NCAN: variants seen among roughly 807,000 people sequenced by gnomAD.
NCAN encodes the protein neurocan core protein.
In NCAN, 47 loss-of-function variants were observed where a neutral mutation model predicts 121.8. The ratio of observed to expected loss-of-function variants is 0.39; its 90% CI spans 0.31 to 0.49. NCAN has a LOEUF of 0.49. Among genes scored for constraint, NCAN ranks in the 20% least tolerant of loss-of-function variants. NCAN has a pLI of 0.92. For missense variants in NCAN, 1,517 were observed against 1,773.4 expected (o/e 0.86, Z 2.60); for synonymous variants, 633 against 702.0 (o/e 0.90, Z 1.55).
intron 1 of NCAN, among the ~76,000 whole-genome samples, chr19:19,215,365 G>A (rs2060792732): frequency 6.6e-6 from 1 of 152,212 alleles, no homozygotes. Context: ...GTTCGCAGGA[G>A]TGGGAGGTTT....
chr19:19,222,925 G>A (rs1292614051), intron 3 of NCAN, among the ~76,000 whole-genome samples: 3 of 149,484 alleles, frequency 2.0e-5, no homozygotes, highest in Non-Finnish European at 3.0e-5. Flanking sequence ...TGGCTAACAT[G>A]GTGAAACCCC....
chr19:19,233,378 C>T lies in NCAN; in HGVS notation c.3020-411C>T, dbSNP rs377433513. 1.2e-3 allele frequency among the ~76,000 whole-genome samples: 187 copies of T among 152,148 alleles called. 1 individual carries two copies. Among genetic ancestry groups the T allele is most frequent in the African/African-American group, 4.2e-3 (175 of 41,486 alleles). On this transcript the variant is annotated intron_variant, in intron 8 of 14. Coordinates refer to ENST00000252575, the MANE Select transcript of NCAN (RefSeq NM_004386.3). Reference sequence around the variant, plus strand: ...TCACCCAGGCTAGAACCTATGTCCACTCCTGTGCCCCAATTCATGAGAAGC... The same window carrying T: ...TCACCCAGGCTAGAACCTATGTCCATTCCTGTGCCCCAATTCATGAGAAGC...
At chr19:19,223,994 C>G (rs192275827) in intron 3 of NCAN, 27 bp from the exon 4 acceptor site, 24 of 1,496,520 alleles carry the variant, frequency 1.6e-5, no homozygotes, top group Middle Eastern at 3.6e-4. Flanking sequence ...AGTCAACTGT[C>G]CCCCCATCCT....
In NCAN at chr19:19,224,451, A is replaced by G; in HGVS notation, c.778+18A>G. The G allele has an allele frequency of 1.2e-6, 2 of 1,610,488 alleles. No homozygotes were observed. Among genetic ancestry groups the G allele is most frequent in the Admixed American group, 3.3e-5 (2 of 59,852 alleles). On this transcript the variant is annotated intron_variant, in intron 5 of 14. Coordinates refer to ENST00000252575, the MANE Select transcript of NCAN (RefSeq NM_004386.3). ...GCTGGGGGGTAAGTCTGGGACTGGC[A>G]GGACCCGGCCCCTCCGCCTCTCTTT...
intron 3 of NCAN, 119 bp downstream of exon 3, chr19:19,219,435 C>A: frequency 8.9e-7 from 1 of 1,123,952 alleles, no homozygotes; most frequent in Non-Finnish European, 1.2e-6. Flanking sequence ...TGTCTCATGC[C>A]TGTAATCCCA....
Position 19,219,003 on chromosome 19 carries a change from G to C in NCAN, c.162G>C (p.Leu54=). The C allele has an allele frequency of 3.1e-6, 5 of 1,601,080 alleles. No individual in the cohort carries two copies. Among genetic ancestry groups the C allele is most frequent in the Non-Finnish European group, 3.4e-6 (4 of 1,172,150 alleles). ...CAGTGCAGGCTGCGCTGGCGGAGCTGGTGGCCCTGCCCTGTCTCTTTACCC... is the reference window on the plus strand; with the variant it reads ...CAGTGCAGGCTGCGCTGGCGGAGCTCGTGGCCCTGCCCTGTCTCTTTACCC... ...SGSVQAALAE[L]VALPCLFTLQ... is the part of the protein sequence containing the mutation. The change falls in exon 3 of 15, where the codon CTG becomes CTC. Residue 54 remains leucine (L), a synonymous_variant. Coordinates refer to ENST00000252575, the MANE Select transcript of NCAN (RefSeq NM_004386.3).
At chr19:19,237,447 C>T (rs2060885369) in intron 10 of NCAN, among the ~76,000 whole-genome samples, 1 of 151,386 alleles carries the variant, frequency 6.6e-6, no homozygotes, top group Non-Finnish European at 1.5e-5. Flanking sequence ...CAAGATCGCA[C>T]CATTACACTC....
chr19:19,233,716 C>T (rs34673002), intron 8 of NCAN, 73 bp from the exon 9 acceptor site: 46,312 of 941,456 alleles, frequency 0.049, 2,035 homozygotes, highest in African/African-American at 0.17. Flanking sequence ...GTTTGGGGGC[C>T]TGGGGTCTTG....
chr19:19,235,428 G>A (rs962549367), intron 10 of NCAN, among the ~76,000 whole-genome samples: 57 of 151,602 alleles, frequency 3.8e-4, no homozygotes, highest in Non-Finnish European at 6.8e-4. Flanking sequence ...CCGCCACCAC[G>A]CCTGGCTAAT....
chr19:19,239,582 T>G, intron 11 of NCAN, among the ~76,000 whole-genome samples: 1 of 60,374 alleles, frequency 1.7e-5, no homozygotes, highest in African/African-American at 7.0e-5. Context: ...CCTCCCCTCC[T>G]CCCTCTCCTC....
At chr19:19,232,891 C>A (rs2060865942) in intron 8 of NCAN, 1 of 151,222 alleles carries the variant, frequency 6.6e-6, no homozygotes. Flanking sequence ...ATAATTAGAA[C>A]AATATAGAGA....
Position 19,228,242 on chromosome 19 carries a change from G to C in NCAN, c.2622G>C (p.Thr874=), listed in dbSNP as rs141133344. 291 of 1,613,840 alleles carry C rather than the reference G, an allele frequency of 1.8e-4. No individual in the cohort carries two copies. In the African/African-American group the frequency reaches 2.8e-3, roughly 15 times the overall value. Residue 874 remains threonine (T), a synonymous_variant, in exon 8 of 15, where the codon ACG becomes ACC. Coordinates refer to ENST00000252575, the MANE Select transcript of NCAN (RefSeq NM_004386.3). ...ALDTSIVTPL[T]TLEQGDKVGV... ...ATACAAGCATTGTGACGCCCCTCACGACCCTGGAGCAGGGGGACAAGGTTG... is the reference window on the plus strand; with the variant it reads ...ATACAAGCATTGTGACGCCCCTCACCACCCTGGAGCAGGGGGACAAGGTTG...
chr19:19,213,347 A>G (rs1161889819), intron 1 of NCAN, among the ~76,000 whole-genome samples: 1 of 151,934 alleles, frequency 6.6e-6, no homozygotes, highest in East Asian at 1.9e-4. Flanking sequence ...CTTTGTCAGA[A>G]AACTTGTGCC....
chr19:19,244,921 A>G (rs1205858220), intron 12 of NCAN, among the ~76,000 whole-genome samples: 2 of 151,672 alleles, frequency 1.3e-5, no homozygotes, highest in Non-Finnish European at 2.9e-5. Context: ...CATATTGACC[A>G]GGCTGGTCTT....
intron 8 of NCAN, among the ~76,000 whole-genome samples, chr19:19,230,715 C>T (rs186143211): frequency 1.2e-4 from 15 of 127,770 alleles, no homozygotes; most frequent in Admixed American, 2.6e-4. Context: ...GGGGTGGGAT[C>T]TTTTTTTTTT....
chr19:19,224,228 A>T, intron 4 of NCAN, 33 bp downstream of exon 4: 6 of 1,589,092 alleles, frequency 3.8e-6, no homozygotes, highest in Non-Finnish European at 5.2e-6. Flanking sequence ...GGAGATGAAG[A>T]CTAGCTCATG....
At chr19:19,231,839 G>A (rs562173758) in intron 8 of NCAN, among the ~76,000 whole-genome samples, 12 of 152,042 alleles carry the variant, frequency 7.9e-5, no homozygotes, top group African/African-American at 2.2e-4. Flanking sequence ...AAAATTAGCC[G>A]GGCATGGTGG....
chr19:19,217,781 G>T (rs925680106), intron 2 of NCAN, among the ~76,000 whole-genome samples: 1 of 152,136 alleles, frequency 6.6e-6, no homozygotes, highest in African/African-American at 2.4e-5. Flanking sequence ...GAGGTCAGGG[G>T]TTCCAGGCTA....
intron 3 of NCAN, among the ~76,000 whole-genome samples, chr19:19,220,658 C>T (rs965052813): frequency 2.6e-5 from 4 of 152,006 alleles, no homozygotes; most frequent in Admixed American, 6.6e-5. Context: ...GGGGTTTCAC[C>T]GTGTTAGCCA....
Sources: allele counts gnomAD v4.1 joint callset (sites outside exome capture counted in the v4.1 genomes callset), GRCh38; gene constraint gnomAD v4.1.1; transcripts MANE v1.5; gene names NCBI Gene and HGNC (gene_info 2026-07-23, HGNC 2026-07-21).